FOXRED1: variants seen among roughly 807,000 people sequenced by gnomAD.
FOXRED1 encodes the protein FAD-dependent oxidoreductase domain-containing protein 1.
FOXRED1 carries 52 observed loss-of-function variants against 57.8 expected under a neutral mutation model. The ratio of observed to expected loss-of-function variants is 0.90; its 90% CI spans 0.72 to 1.13. The LOEUF is 1.13. Among genes scored for constraint, FOXRED1 ranks in the 50% most tolerant of loss-of-function variants. The pLI, the probability that FOXRED1 is intolerant of heterozygous loss-of-function variation, is 0.00. For synonymous variants in FOXRED1, 271 were observed against 248.3 expected (o/e 1.09, Z -0.86); for missense variants, 589 against 625.2 (o/e 0.94, Z 0.62).
At chr11:126,270,753 G>A (rs146621597) in intron 1 of FOXRED1, among the ~76,000 whole-genome samples, 5 of 152,126 alleles carry the variant, frequency 3.3e-5, no homozygotes, top group African/African-American at 4.8e-5. Flanking sequence ...TAAGCAAGAG[G>A]GTTTGTGATT....
chr11:126,269,610 T>G (rs978516305), intron 1 of FOXRED1, among the ~76,000 whole-genome samples: 1 of 151,812 alleles, frequency 6.6e-6, no homozygotes, highest in African/African-American at 2.4e-5. Context: ...GGTAAAGGAG[T>G]GAAGAGAAGA....
rs759082553 is a variant in FOXRED1, at chr11:126,269,435, C to T, written c.85+144C>T. On this transcript the variant is annotated intron_variant, in intron 1 of 10. Coordinates refer to ENST00000263578, the MANE Select transcript of FOXRED1 (RefSeq NM_017547.4). ...AAGGGGGTTAGCTTACCTACCAGAG[C>T]TTGTAGGGGCTGTGCAGGTGTATGG... The T allele has an allele frequency of 7.4e-6, 11 of 1,495,500 alleles. No individual in the cohort carries two copies. In the South Asian group the frequency reaches 9.5e-5, roughly 13 times the overall value. 92.6% of individuals were successfully genotyped at this position (1,495,500 alleles called of 1,614,324 possible).
rs182716094 is a variant in FOXRED1 at position 126,269,878 on chromosome 11, T to C, written c.85+587T>C. On this transcript the variant is annotated intron_variant, in intron 1 of 10. Coordinates refer to ENST00000263578, the MANE Select transcript of FOXRED1 (RefSeq NM_017547.4). ...GGTGGGCTCCTGTAATCCCAGGTAC[T>C]CGGGAGGCTGAGGCAGGAGAATCGC... is the stretch of plus-strand genomic sequence containing the variant. Among the ~76,000 whole-genome samples, 518 of 150,212 alleles carry C rather than the reference T, an allele frequency of 3.4e-3. 3 individuals carry two copies. Among genetic ancestry groups the C allele is most frequent in the African/African-American group, 0.012 (495 of 40,686 alleles).
chr11:126,276,471 T>G lies in FOXRED1; in HGVS notation c.1049T>G (p.Phe350Cys). The G allele has an allele frequency of 2.5e-6, 4 of 1,608,796 alleles. No homozygotes were observed. Among genetic ancestry groups the G allele is most frequent in the Non-Finnish European group, 3.4e-6 (4 of 1,177,734 alleles). ...PLVADTSGAY[F>C]RREGLGSNYL... ...GTTGCAGACACCAGTGGAGCCTATT[T>G]TCGCCGGGAAGGATTAGGTAGCAAC... Residue 350 changes from phenylalanine (F) to cysteine (C), a missense_variant, in exon 9 of 11, where the codon TTT becomes TGT. By Grantham distance (205) the Phe-to-Cys change is radical (BLOSUM62 -2). Transcript: ENST00000263578.
At chr11:126,269,843 T>C (rs1434249591) in intron 1 of FOXRED1, among the ~76,000 whole-genome samples, 4 of 151,498 alleles carry the variant, frequency 2.6e-5, no homozygotes, top group Non-Finnish European at 5.9e-5. Context: ...AAAAATTAGC[T>C]AGGTGTGGTG....
At position 126,269,260 on chromosome 11, in the gene FOXRED1, GC is replaced by G; in HGVS notation, c.56del (p.Pro19GlnfsTer49). 1 of 1,614,216 alleles carries G rather than the reference GC, an allele frequency of 6.2e-7. No individual in the cohort carries two copies. Among genetic ancestry groups the G allele is most frequent in the Non-Finnish European group, 8.5e-7 (1 of 1,180,030 alleles). ...GMGRGLLTRR[P>X]GTRRGGFSLD... ...TGGGCCGGGGCCTCTTGACCCGGAGGCCAGGCACGCGCAGAGGAGGCTTTTC... is the reference window on the plus strand; with the variant it reads ...TGGGCCGGGGCCTCTTGACCCGGAGGCAGGCACGCGCAGAGGAGGCTTTTC... On this transcript the variant is annotated frameshift_variant, in exon 1 of 11. Transcript: ENST00000263578. LOFTEE classifies it high-confidence loss of function.
chr11:126,277,055 C>T lies in FOXRED1; in HGVS notation c.1102-16C>T. ...GTCCCAGGCAATGTAAGCGTTGTCC[C>T]CACCTCTCACTCCAGCAGGAAGAAC... On this transcript the variant is annotated splice_polypyrimidine_tract_variant and intron_variant, in intron 9 of 10. Transcript: ENST00000263578. The surrounding 1 kb of genome is among the most constrained non-coding windows in gnomAD (Gnocchi z 6.8). 6.6e-7 allele frequency: 1 copy of T among 1,522,824 alleles called. No individual in the cohort carries two copies. The highest frequency in any genetic ancestry group is 9.1e-7 in the Non-Finnish European group (1 of 1,097,238). 94.3% of individuals were successfully genotyped at this position (1,522,824 alleles called of 1,614,324 possible).
Position 126,269,215 on chromosome 11 carries a change from G to A in FOXRED1, c.9G>A (p.Arg3=), listed in dbSNP as rs28372779. The stretch of plus-strand genomic sequence containing the variant: ...CCGGGCTCAGAGGGGTTATGATTCG[G>A]AGGGTTCTGCCGCACGGCATGGGCC... MI[R]RVLPHGMGRG... The change falls in exon 1 of 11, where the codon CGG becomes CGA. Residue 3 remains arginine, a synonymous_variant. Transcript: ENST00000263578. The A allele has an allele frequency of 2.0e-4, 330 of 1,613,622 alleles. 1 individual carries two copies. The highest frequency in any genetic ancestry group is 7.1e-4 in the East Asian group (32 of 44,876).
Position 126,275,653 on chromosome 11 carries a change from A to C in FOXRED1, c.734-141A>C. On this transcript the variant is annotated intron_variant, in intron 6 of 10. Transcript: ENST00000263578. The surrounding 1 kb of genome is among the most constrained non-coding windows in gnomAD (Gnocchi z 5.9). ...GTCAGAGTGTGGCCAAGCTCATGCC[A>C]GCTCCCTCATCTCTGTTTGCTTCAG... 1 of 735,170 alleles carries C rather than the reference A, an allele frequency of 1.4e-6. No individual in the cohort carries two copies. Among genetic ancestry groups the C allele is most frequent in the Non-Finnish European group, 2.4e-6 (1 of 412,552 alleles). 45.5% of individuals were successfully genotyped at this position (735,170 alleles called of 1,614,324 possible).
At chr11:126,269,544 C>T in intron 1 of FOXRED1, 1 of 682,158 alleles carries the variant, frequency 1.5e-6, no homozygotes, top group South Asian at 1.7e-5. Flanking sequence ...TAATCGGTGG[C>T]ACAGATGTGC....
At position 126,275,155 on chromosome 11, in the gene FOXRED1, C is replaced by T. The variant is rs1951094824; in HGVS notation, c.631+134C>T. On this transcript the variant is annotated intron_variant, in intron 5 of 10. Coordinates refer to ENST00000263578, the MANE Select transcript of FOXRED1 (RefSeq NM_017547.4). This position sits in a 1 kb window ranked among gnomAD's most constrained non-coding sequence, Gnocchi z 5.9. ...TCCCTCCTGTGTCACGGGAACTGCCCTGGGCCGTGGTAGTTCTCTGTCCTT... is the reference window on the plus strand; with the variant it reads ...TCCCTCCTGTGTCACGGGAACTGCCTTGGGCCGTGGTAGTTCTCTGTCCTT... 1 of 817,810 alleles carries T rather than the reference C, an allele frequency of 1.2e-6. No homozygotes were observed. The highest frequency in any genetic ancestry group is 2.1e-6 in the Non-Finnish European group (1 of 475,800). The allele number at this position is 817,810 out of a possible 1,614,324, so 50.7% of individuals were successfully genotyped here. A position where few individuals can be genotyped will look rare whatever the true frequency, so the allele number is the denominator to read the frequency against.
chr11:126,275,995 C>A lies in FOXRED1; in HGVS notation c.811-64C>A. 1 of 1,600,246 alleles carries A rather than the reference C, an allele frequency of 6.2e-7. No individual in the cohort carries two copies. The highest frequency in any genetic ancestry group is 8.6e-7 in the Non-Finnish European group (1 of 1,168,114). On this transcript the variant is annotated intron_variant, in intron 7 of 10. Transcript: ENST00000263578. The surrounding 1 kb of genome is among the most constrained non-coding windows in gnomAD (Gnocchi z 5.9). ...GTAAACTAAGGCTCAGGAAGCAGTG[C>A]ATCTCTCAGGGTGCCTGGTGTGTGG...
chr11:126,275,899 C>T lies in FOXRED1; in HGVS notation c.810+29C>T, dbSNP rs369194899. ...AGTTTCTAGTCTGTGATGTCCTTTA[C>T]CAAAATGGAGGGACAGGGAAGGTAG... On this transcript the variant is annotated intron_variant, in intron 7 of 10. Coordinates refer to ENST00000263578, the MANE Select transcript of FOXRED1 (RefSeq NM_017547.4). The surrounding 1 kb of genome is among the most constrained non-coding windows in gnomAD (Gnocchi z 5.9). 19 of 1,567,552 alleles carry T rather than the reference C, an allele frequency of 1.2e-5. No individual in the cohort carries two copies. Among genetic ancestry groups the T allele is most frequent in the Non-Finnish European group, 1.6e-5 (18 of 1,137,814 alleles).
At position 126,275,784 on chromosome 11, in the gene FOXRED1, T is replaced by C. The variant is rs767744484; in HGVS notation, c.734-10T>C. On this transcript the variant is annotated splice_polypyrimidine_tract_variant and intron_variant, in intron 6 of 10. Transcript: ENST00000263578. The surrounding 1 kb of genome is among the most constrained non-coding windows in gnomAD (Gnocchi z 5.9). ...CCTCTACGGCCTATTTTTCATTTTCTTCTCTGCAGGTTTTGTCTCTTCATC... is the reference window on the plus strand; with the variant it reads ...CCTCTACGGCCTATTTTTCATTTTCCTCTCTGCAGGTTTTGTCTCTTCATC... The C allele has an allele frequency of 8.1e-6, 13 of 1,597,958 alleles. No individual in the cohort carries two copies. Among genetic ancestry groups the C allele is most frequent in the Non-Finnish European group, 1.1e-5 (13 of 1,165,578 alleles).
At chr11:126,276,721 C>CA in intron 9 of FOXRED1, among the ~76,000 whole-genome samples, 198 bp downstream of exon 9, 1 of 151,772 alleles carries the variant, frequency 6.6e-6, no homozygotes, top group African/African-American at 2.4e-5. Flanking sequence ...ACTAAAAATA[C>CA]AAAACTTAGC....
At position 126,278,093 on chromosome 11, in the gene FOXRED1, T is replaced by G. The variant is rs541701115; in HGVS notation, c.*404T>G. 1.6e-4 allele frequency: 76 copies of G among 471,704 alleles called. No homozygotes were observed. The highest frequency in any genetic ancestry group is 1.1e-3 in the South Asian group (71 of 64,642). The allele number at this position is 471,704 out of a possible 1,614,324, so 29.2% of individuals were successfully genotyped here. ...TTTATTGATTTTCGTCTGTTTACCCTATCCATTAATCAATACATGTAATTA... is the reference window on the plus strand; with the variant it reads ...TTTATTGATTTTCGTCTGTTTACCCGATCCATTAATCAATACATGTAATTA... On this transcript the variant is annotated 3_prime_UTR_variant, in exon 11 of 11. Transcript: ENST00000263578. The surrounding 1 kb of genome is among the most constrained non-coding windows in gnomAD (Gnocchi z 4.8).
Position 126,275,154 on chromosome 11 carries a change from C to T in FOXRED1, c.631+133C>T. On this transcript the variant is annotated intron_variant, in intron 5 of 10. Coordinates refer to ENST00000263578, the MANE Select transcript of FOXRED1 (RefSeq NM_017547.4). The surrounding 1 kb of genome is among the most constrained non-coding windows in gnomAD (Gnocchi z 5.9). ...TTCCCTCCTGTGTCACGGGAACTGC[C>T]CTGGGCCGTGGTAGTTCTCTGTCCT... The T allele has an allele frequency of 2.4e-6, 2 of 819,094 alleles. No individual in the cohort carries two copies. The highest frequency in any genetic ancestry group is 2.1e-6 in the Non-Finnish European group (1 of 476,804). 50.7% of individuals were successfully genotyped at this position (819,094 alleles called of 1,614,324 possible).
chr11:126,269,260 G>A lies in FOXRED1; in HGVS notation c.54G>A (p.Arg18=). The change falls in exon 1 of 11, where the codon AGG becomes AGA. Residue 18 remains arginine (R), a synonymous_variant. Coordinates refer to ENST00000263578, the MANE Select transcript of FOXRED1 (RefSeq NM_017547.4). ...TGGGCCGGGGCCTCTTGACCCGGAGGCCAGGCACGCGCAGAGGAGGCTTTT... is the reference window on the plus strand; with the variant it reads ...TGGGCCGGGGCCTCTTGACCCGGAGACCAGGCACGCGCAGAGGAGGCTTTT... ...HGMGRGLLTR[R]PGTRRGGFSL... 6.2e-7 allele frequency: 1 copy of A among 1,614,216 alleles called. No homozygotes were observed. The highest frequency in any genetic ancestry group is 1.1e-5 in the South Asian group (1 of 91,086).
chr11:126,269,280 G>C lies in FOXRED1; in HGVS notation c.74G>C (p.Gly25Ala), dbSNP rs1810000289. 6.2e-7 allele frequency: 1 copy of C among 1,614,046 alleles called. No homozygotes were observed. The highest frequency in any genetic ancestry group is 1.1e-5 in the South Asian group (1 of 91,096). ...CGGAGGCCAGGCACGCGCAGAGGAG[G>C]CTTTTCTCTGGGTAAAGTTGAGGAC... ...LTRRPGTRRGGFSLDWDGKVS... is the reference protein window; with the variant it reads ...LTRRPGTRRGAFSLDWDGKVS... Residue 25 changes from glycine (G) to alanine (A), a missense_variant, in exon 1 of 11, where the codon GGC becomes GCC. Gly to Ala is a moderately conservative substitution (Grantham distance 60). Coordinates refer to ENST00000263578, the MANE Select transcript of FOXRED1 (RefSeq NM_017547.4).
Sources: allele counts gnomAD v4.1 joint callset (sites outside exome capture counted in the v4.1 genomes callset), GRCh38; gene constraint gnomAD v4.1.1; non-coding constraint Gnocchi (gnomAD v3.1); transcripts MANE v1.5; gene names NCBI Gene and HGNC (gene_info 2026-07-23, HGNC 2026-07-21).